TMEM62: variants seen among roughly 807,000 people sequenced by gnomAD.
TMEM62 encodes the protein transmembrane protein 62.
In TMEM62, 41 loss-of-function variants were observed where a neutral mutation model predicts 70.4. The observed-to-expected ratio is 0.58, with a 90% CI of 0.45 to 0.76. The LOEUF is 0.76. TMEM62 is among the 30% of genes least tolerant of loss of function. The probability of loss-of-function intolerance (pLI) is 0.00; values close to 1 mark genes in which losing one functional copy is unlikely to be tolerated. For synonymous variants in TMEM62, 268 were observed against 291.0 expected, an observed-to-expected ratio of 0.92 and a Z score of 0.80; for missense variants, 688 against 788.5, an observed-to-expected ratio of 0.87 and a Z score of 1.53.
In TMEM62 at chr15:43,184,454, A is replaced by G; in HGVS notation, c.1800A>G (p.Leu600=). The change falls in exon 14 of 14, where the codon CTA becomes CTG. Residue 600 remains leucine (L), a synonymous_variant. Coordinates refer to ENST00000260403, the MANE Select transcript of TMEM62 (RefSeq NM_024956.4). ...CYFLYATYGT[L]AFLFSPLRTW... Reference sequence around the variant, plus strand: ...TTCTTTATGCAACATACGGCACCCTAGCTTTTTTATTCTCCCCTTTGCGGA... The same window carrying G: ...TTCTTTATGCAACATACGGCACCCTGGCTTTTTTATTCTCCCCTTTGCGGA... The G allele has an allele frequency of 6.2e-7, 1 of 1,614,214 alleles. No homozygotes were observed. The highest frequency in any genetic ancestry group is 1.1e-5 in the South Asian group (1 of 91,080).
intron 9 of TMEM62, among the ~76,000 whole-genome samples, chr15:43,159,303 C>T (rs1433894977): frequency 6.6e-6 from 1 of 152,190 alleles, no homozygotes. Flanking sequence ...TCTAGTCACT[C>T]TGTTGTGCTA....
Position 43,133,881 on chromosome 15 carries a change from G to C in TMEM62, c.79G>C (p.Gly27Arg). The C allele has an allele frequency of 6.7e-7, 1 of 1,499,800 alleles. No individual in the cohort carries two copies. The highest frequency in any genetic ancestry group is 1.3e-5 in the South Asian group (1 of 79,924). The allele number at this position is 1,499,800 out of a possible 1,614,324, so 92.9% of individuals were successfully genotyped here. ...GGTGGCCATGCTCTTGGAGCACTAC[G>C]GCCTGGCGGGCCAGCCCTCGCCGCT... ...ALVAMLLEHY[G>R]LAGQPSPLPR... is the part of the protein sequence containing the mutation. The change falls in exon 1 of 14, where the codon GGC becomes CGC. Residue 27 changes from glycine (G) to arginine (R), a missense_variant. Coordinates refer to ENST00000260403, the MANE Select transcript of TMEM62 (RefSeq NM_024956.4).
intron 9 of TMEM62, among the ~76,000 whole-genome samples, chr15:43,156,460 C>G (rs1179242135): frequency 6.6e-6 from 1 of 152,152 alleles, no homozygotes; most frequent in African/African-American, 2.4e-5. Flanking sequence ...CCCTTAAGGT[C>G]TTTCATATTA....
At chr15:43,140,856 G>C (rs376648162) in intron 4 of TMEM62, among the ~76,000 whole-genome samples, 36 of 152,162 alleles carry the variant, frequency 2.4e-4, no homozygotes, top group East Asian at 7.7e-4. Context: ...CCCGCGCCCG[G>C]CTTCTGATAT....
chr15:43,153,648 C>T (rs906733882), intron 8 of TMEM62, among the ~76,000 whole-genome samples: 4 of 144,552 alleles, frequency 2.8e-5, no homozygotes, highest in African/African-American at 9.8e-5. Context: ...GAATAATGTT[C>T]CATTGTACAT....
Position 43,146,559 on chromosome 15 carries a change from T to A in TMEM62, c.543T>A (p.Tyr181Ter), listed in dbSNP as rs1157110244. 1 of 1,613,544 alleles carries A rather than the reference T, an allele frequency of 6.2e-7. No homozygotes were observed. The highest frequency in any genetic ancestry group is 8.5e-7 in the Non-Finnish European group (1 of 1,179,622). ...HYVHSTPFGN[Y>*]SFICVDATVN... is the part of the protein sequence containing the mutation. ...TCCACAGTACTCCCTTTGGCAACTA[T>A]TCGTTCATCTGTGTAGATGCCACTG... The change falls in exon 5 of 14, where the codon TAT (tyrosine) becomes TAA (stop). Residue 181 changes from tyrosine (Y) to a stop codon, truncating the protein, a stop_gained. Coordinates refer to ENST00000260403, the MANE Select transcript of TMEM62 (RefSeq NM_024956.4). LOFTEE classifies it high-confidence loss of function.
intron 4 of TMEM62, among the ~76,000 whole-genome samples, chr15:43,139,425 C>T (rs1359161718): frequency 1.3e-5 from 2 of 152,128 alleles, no homozygotes; most frequent in Non-Finnish European, 2.9e-5. Context: ...AAAGGAAGGG[C>T]CCAACATCTC....
intron 9 of TMEM62, among the ~76,000 whole-genome samples, chr15:43,157,688 G>A (rs536467620): frequency 6.6e-6 from 1 of 152,108 alleles, no homozygotes; most frequent in South Asian, 2.1e-4. Context: ...GCACCATGAT[G>A]TCTTTCATCT....
Position 43,184,297 on chromosome 15 carries a change from G to A in TMEM62, c.1643G>A (p.Cys548Tyr). 6.2e-7 allele frequency: 1 copy of A among 1,614,164 alleles called. No individual in the cohort carries two copies. Among genetic ancestry groups the A allele is most frequent in the Non-Finnish European group, 8.5e-7 (1 of 1,180,032 alleles). ...AACATCCCCTTGATGGCTTACATGTGTTGGAGCTTGCTGCAGCGGTGCTTT... is the reference window on the plus strand; with the variant it reads ...AACATCCCCTTGATGGCTTACATGTATTGGAGCTTGCTGCAGCGGTGCTTT... Reference protein sequence around the residue: ...FFNIPLMAYMCWSLLQRCFGH... With the variant: ...FFNIPLMAYMYWSLLQRCFGH... Residue 548 changes from cysteine (C) to tyrosine (Y), a missense_variant, in exon 14 of 14, where the codon TGT becomes TAT. Physicochemically the swap from Cys to Tyr is radical, Grantham distance 194. Transcript: ENST00000260403.
intron 10 of TMEM62, among the ~76,000 whole-genome samples, chr15:43,167,562 G>A (rs1199939188): frequency 6.6e-6 from 1 of 151,980 alleles, no homozygotes; most frequent in East Asian, 1.9e-4. Flanking sequence ...TTCCTAGATG[G>A]GATGGCGGCC....
chr15:43,163,190 T>C (rs545886420), intron 10 of TMEM62, among the ~76,000 whole-genome samples: 1 of 150,524 alleles, frequency 6.6e-6, no homozygotes, highest in Non-Finnish European at 1.5e-5. Flanking sequence ...AAAATAAAAA[T>C]AAAAAAAAAG....
intron 11 of TMEM62, 43 bp from the exon 12 acceptor site, chr15:43,178,564 C>A: frequency 1.6e-6 from 2 of 1,260,260 alleles, no homozygotes; most frequent in African/African-American, 1.5e-5. Context: ...AGAAACTGAA[C>A]TTTGCATGTG....
At chr15:43,160,512 G>A (rs932299499) in intron 9 of TMEM62, 169 bp from the exon 10 acceptor site, 2 of 549,056 alleles carry the variant, frequency 3.6e-6, no homozygotes, top group Admixed American at 3.3e-5. Context: ...ACCACTGCAC[G>A]CCAGCCTGGA....
rs554678303 is a variant in TMEM62 at position 43,145,083 on chromosome 15, G to A, written c.477-1410G>A. The stretch of plus-strand genomic sequence containing the variant: ...CGCGTCACTGCACTCCAGCCTGGGC[G>A]ACAGAGTGAGACTCCGTCTCAAAAA... On this transcript the variant is annotated intron_variant, in intron 4 of 13. Coordinates refer to ENST00000260403, the MANE Select transcript of TMEM62 (RefSeq NM_024956.4). Among the ~76,000 whole-genome samples, 126 of 102,600 alleles carry A rather than the reference G, an allele frequency of 1.2e-3. No individual in the cohort carries two copies. In the Middle Eastern group the frequency reaches 0.034, roughly 28 times the overall value. The allele number at this position is 102,600 out of a possible 152,430, so 67.3% of individuals were successfully genotyped here. A position where few individuals can be genotyped will look rare whatever the true frequency, so the allele number is the denominator to read the frequency against.
In TMEM62 at chr15:43,160,768, A is replaced by G; in HGVS notation, c.1270A>G (p.Ile424Val). The G allele has an allele frequency of 6.2e-7, 1 of 1,608,690 alleles. No individual in the cohort carries two copies. ...CAGTTTTGATCCCCTGGCATCATTT[A>G]TTCTCCGTACTGATCACTACATCAT... ...HLSFDPLASF[I>V]LRTDHYIMAR... Residue 424 changes from isoleucine (I) to valine (V), a missense_variant, in exon 10 of 14, where the codon ATT (isoleucine) becomes GTT (valine). Coordinates refer to ENST00000260403, the MANE Select transcript of TMEM62 (RefSeq NM_024956.4).
intron 4 of TMEM62, among the ~76,000 whole-genome samples, chr15:43,143,114 T>C (rs904451622): frequency 6.6e-6 from 1 of 151,918 alleles, no homozygotes; most frequent in Admixed American, 6.6e-5. Context: ...CAGGCTGGAG[T>C]GCAGTGGCAC....
At chr15:43,139,711 C>T (rs1224621130) in intron 4 of TMEM62, among the ~76,000 whole-genome samples, 3 of 152,152 alleles carry the variant, frequency 2.0e-5, no homozygotes, top group African/African-American at 7.2e-5. Flanking sequence ...AAGCCTAATC[C>T]AGAGCAAGAT....
At chr15:43,159,121 T>C (rs537008492) in intron 9 of TMEM62, among the ~76,000 whole-genome samples, 60 of 152,346 alleles carry the variant, frequency 3.9e-4, no homozygotes, top group South Asian at 2.1e-3. Flanking sequence ...TGTGAGTACA[T>C]AGTAGGTGTG....
intron 9 of TMEM62, among the ~76,000 whole-genome samples, chr15:43,155,523 A>T (rs1237064712): frequency 6.6e-6 from 1 of 152,152 alleles, no homozygotes; most frequent in Non-Finnish European, 1.5e-5. Context: ...AAATAAAAAT[A>T]AATTGAATAC....
Sources: gnomAD v4.1 joint callset for allele counts (sites outside exome capture counted in the v4.1 genomes callset) on GRCh38, gnomAD v4.1.1 for gene constraint, MANE v1.5 for transcripts, NCBI Gene and HGNC (gene_info 2026-07-23, HGNC 2026-07-21) for gene names.